TCF12: variants seen among roughly 807,000 people sequenced by gnomAD.
The protein encoded by TCF12 is transcription factor 12, also known as DNA-binding protein HTF4.
A neutral mutation model predicts 86.0 loss-of-function variants in TCF12; 45 were observed. The ratio of observed to expected loss-of-function variants is 0.52; its 90% CI spans 0.41 to 0.67. The LOEUF is 0.67. Among genes scored for constraint, TCF12 ranks in the 30% least tolerant of loss-of-function variants. TCF12 has a pLI of 0.00. For missense variants in TCF12, 881 were observed against 859.9 expected, an observed-to-expected ratio of 1.02 and a Z score of -0.31; for synonymous variants, 330 against 299.6, an observed-to-expected ratio of 1.10 and a Z score of -1.05.
At chr15:56,928,443 C>A (rs2060110117) in intron 3 of TCF12, among the ~76,000 whole-genome samples, 3 of 152,016 alleles carry the variant, frequency 2.0e-5, no homozygotes, top group South Asian at 4.2e-4. Flanking sequence ...GGCATTATCT[C>A]ATTTTACTTT....
At position 57,042,138 on chromosome 15, in the gene TCF12, A is replaced by T. The variant is rs1356034976; in HGVS notation, c.149-21612A>T. ...TTTTCAATTTTTATTGTTTTTTTTG[A>T]GATGGAGTTTTGCCTTGTTGCCCAG... On this transcript the variant is annotated intron_variant, in intron 3 of 20. Coordinates refer to ENST00000333725, the MANE Select transcript of TCF12 (RefSeq NM_207037.2). 2.6e-3 allele frequency among the ~76,000 whole-genome samples: 390 copies of T among 151,868 alleles called. 2 individuals carry two copies. Among genetic ancestry groups the T allele is most frequent in the African/African-American group, 9.1e-3 (376 of 41,332 alleles).
chr15:57,165,843 G>C (rs931762840), intron 5 of TCF12, among the ~76,000 whole-genome samples: 1 of 151,910 alleles, frequency 6.6e-6, no homozygotes, highest in African/African-American at 2.4e-5. Flanking sequence ...GCCCAATACT[G>C]TATTAATTTT....
intron 3 of TCF12, among the ~76,000 whole-genome samples, chr15:57,063,227 A>G (rs1452199324): frequency 6.6e-6 from 1 of 152,248 alleles, no homozygotes; most frequent in South Asian, 2.1e-4. Flanking sequence ...TTGATTTTAT[A>G]TAACTAATGT....
intron 3 of TCF12, among the ~76,000 whole-genome samples, chr15:57,014,725 C>T (rs569595260): frequency 2.6e-5 from 4 of 152,042 alleles, no homozygotes; most frequent in Non-Finnish European, 5.9e-5. Flanking sequence ...CTCAACAACT[C>T]AGATTCTTCT....
chr15:56,991,015 C>CA (rs2063432170), intron 3 of TCF12, among the ~76,000 whole-genome samples: 2 of 152,058 alleles, frequency 1.3e-5, no homozygotes, highest in South Asian at 4.2e-4. Flanking sequence ...AGGCTGCTGT[C>CA]AAACTCCTGG....
At chr15:56,931,151 A>G (rs1224182065) in intron 3 of TCF12, among the ~76,000 whole-genome samples, 3 of 138,116 alleles carry the variant, frequency 2.2e-5, no homozygotes, top group African/African-American at 6.2e-5. Flanking sequence ...TAGAGACTTC[A>G]TCATTTTAAA....
rs1325188307 is a variant in TCF12 at position 57,102,345 on chromosome 15, C to T, written c.325+10454C>T. ...GGGCGTGGTGGCTCACACCTGTAATCCCAGCACTTTGGGAGGCTGTGGCAG... is the reference window on the plus strand; with the variant it reads ...GGGCGTGGTGGCTCACACCTGTAATTCCAGCACTTTGGGAGGCTGTGGCAG... On this transcript the variant is annotated intron_variant, in intron 5 of 20. Coordinates refer to ENST00000333725, the MANE Select transcript of TCF12 (RefSeq NM_207037.2). 2.9e-4 allele frequency among the ~76,000 whole-genome samples: 44 copies of T among 152,296 alleles called. 1 individual carries two copies. Among genetic ancestry groups the T allele is most frequent in the Non-Finnish European group, 1.9e-4 (13 of 68,026 alleles).
chr15:56,970,568 AACT>A (rs1375316626), intron 3 of TCF12, among the ~76,000 whole-genome samples: 1 of 151,978 alleles, frequency 6.6e-6, no homozygotes, highest in Non-Finnish European at 1.5e-5. Context: ...AAAAGAATGA[AACT>A]ACAAATATAG....
chr15:57,141,628 C>T (rs1220524057), intron 5 of TCF12, among the ~76,000 whole-genome samples: 44 of 152,116 alleles, frequency 2.9e-4, no homozygotes. Flanking sequence ...GGATTACAGG[C>T]GTGAGCCACT....
intron 3 of TCF12, among the ~76,000 whole-genome samples, chr15:56,949,119 A>G (rs765346466): frequency 1.7e-4 from 26 of 152,224 alleles, no homozygotes; most frequent in Non-Finnish European, 2.2e-4. Flanking sequence ...TTTTGTCTTG[A>G]TTACATTAAA....
intron 5 of TCF12, among the ~76,000 whole-genome samples, chr15:57,154,624 G>GT (rs1376345276): frequency 6.6e-6 from 1 of 151,816 alleles, no homozygotes; most frequent in African/African-American, 2.4e-5. Context: ...GTGAATCTTT[G>GT]TTTTTTTCAG....
chr15:57,219,523 T>C (rs937027460), intron 8 of TCF12: 2 of 1,611,592 alleles, frequency 1.2e-6, no homozygotes, highest in Non-Finnish European at 1.7e-6. Flanking sequence ...AAAATCAACA[T>C]GTATTGTGCT....
At chr15:57,248,132 G>A in intron 13 of TCF12, 2 of 701,956 alleles carry the variant, frequency 2.8e-6, no homozygotes, top group Non-Finnish European at 5.2e-6. Flanking sequence ...ATTATTTTAA[G>A]GATCCTTTTC....
chr15:57,151,399 A>G (rs1567522240), intron 5 of TCF12, among the ~76,000 whole-genome samples: 1 of 152,086 alleles, frequency 6.6e-6, no homozygotes, highest in Non-Finnish European at 1.5e-5. Flanking sequence ...ATTTGTAGGC[A>G]TAGAAACAGA....
At chr15:57,246,865 G>A in intron 13 of TCF12, 1 of 397,576 alleles carries the variant, frequency 2.5e-6, no homozygotes, top group Non-Finnish European at 4.9e-6. Flanking sequence ...TTCCTCTAAT[G>A]CCTTTCGGAC....
At chr15:57,021,108 A>C (rs1479024957) in intron 3 of TCF12, among the ~76,000 whole-genome samples, 3 of 152,144 alleles carry the variant, frequency 2.0e-5, no homozygotes, top group African/African-American at 7.2e-5. Context: ...TCCCATATAG[A>C]ACAAAATTAT....
chr15:57,101,922 C>T (rs2049784400), intron 5 of TCF12, among the ~76,000 whole-genome samples: 1 of 152,172 alleles, frequency 6.6e-6, no homozygotes, highest in African/African-American at 2.4e-5. Flanking sequence ...TACTTTTCCA[C>T]ACTTGTCCCT....
At chr15:57,038,146 T>C (rs552368170) in intron 3 of TCF12, among the ~76,000 whole-genome samples, 39 of 151,950 alleles carry the variant, frequency 2.6e-4, no homozygotes, top group Non-Finnish European at 5.9e-5. Flanking sequence ...CTCTCAATAA[T>C]AGAAAAGTGT....
At chr15:57,222,663 A>G (rs2058653257) in intron 8 of TCF12, among the ~76,000 whole-genome samples, 4 of 150,834 alleles carry the variant, frequency 2.7e-5, no homozygotes, top group South Asian at 4.2e-4. Flanking sequence ...CAGTTTTCTC[A>G]TTAATTTGAG....
Sources: gnomAD v4.1 joint callset for allele counts (sites outside exome capture counted in the v4.1 genomes callset) on GRCh38, gnomAD v4.1.1 for gene constraint, MANE v1.5 for transcripts, NCBI Gene and HGNC (gene_info 2026-07-23, HGNC 2026-07-21) for gene names.